Variants in MUC22 observed in about 807,000 individuals in gnomAD.
The protein encoded by MUC22 is mucin 22.
Under a neutral mutation model 40.3 loss-of-function variants are expected in MUC22, and 24 were observed. The observed-to-expected ratio is 0.60, with a 90% confidence interval of 0.43 to 0.84. The LOEUF is 0.84. Among genes scored for constraint, MUC22 ranks in the 40% least tolerant of loss-of-function variants. MUC22 has a pLI of 0.00. For synonymous variants in MUC22, 765 were observed against 844.5 expected (o/e 0.91, Z 1.63); for missense variants, 1,926 against 2,130.7 (o/e 0.90, Z 1.89).
intron 1 of MUC22, among the ~76,000 whole-genome samples, chr6:31,019,863 G>A (rs552254258): frequency 1.3e-5 from 2 of 152,134 alleles, no homozygotes; most frequent in East Asian, 3.9e-4. Context: ...TGGATGAAGT[G>A]GACTTCTCCA....
intron 2 of MUC22, among the ~76,000 whole-genome samples, chr6:31,030,608 G>T (rs1395081113): frequency 2.0e-5 from 3 of 148,430 alleles, no homozygotes; most frequent in Non-Finnish European, 3.0e-5. Flanking sequence ...CACTTCCATT[G>T]CAATCAGAAC....
rs1447723757 is a variant in MUC22 at position 31,032,586 on chromosome 6, G to A, written c.5055+5G>A. Reference sequence around the variant, plus strand: ...GTAGGACTGAGTTTTTGTCTGGTGAGTACCCAGGGTGGGTTCATAGGGGAG... The same window carrying A: ...GTAGGACTGAGTTTTTGTCTGGTGAATACCCAGGGTGGGTTCATAGGGGAG... On this transcript the variant is annotated splice_donor_5th_base_variant and intron_variant, in intron 3 of 3. Coordinates refer to ENST00000561890, the Ensembl canonical transcript of MUC22. The surrounding 1 kb of genome is among the most constrained non-coding windows in gnomAD (Gnocchi z 4.1). 3.3e-6 allele frequency: 5 copies of A among 1,529,676 alleles called. No homozygotes were observed. Among genetic ancestry groups the A allele is most frequent in the East Asian group, 2.4e-5 (1 of 40,900 alleles). The allele number at this position is 1,529,676 out of a possible 1,614,324, so 94.8% of individuals were successfully genotyped here. A position where few individuals can be genotyped will look rare whatever the true frequency, so the allele number is the denominator to read the frequency against.
intron 1 of MUC22, among the ~76,000 whole-genome samples, chr6:31,020,674 C>T (rs1764619823): frequency 6.6e-6 from 1 of 152,172 alleles, no homozygotes. Flanking sequence ...CCTTTCTGGG[C>T]TGGCCGAGGC....
chr6:31,028,695 T>C (rs1344749233), exon 2 of MUC22: 1 of 1,530,418 alleles, frequency 6.5e-7, no homozygotes, highest in Non-Finnish European at 8.7e-7. Flanking sequence ...TCCCAGCCTC[T>C]ACAGCAGGCT....
At chr6:31,013,220 A>G (rs1581602709) in intron 1 of MUC22, among the ~76,000 whole-genome samples, 2 of 148,296 alleles carry the variant, frequency 1.3e-5, no homozygotes, top group Non-Finnish European at 3.0e-5. Context: ...TCTGCCTCCC[A>G]GGTTCAAGCG....
intron 1 of MUC22, among the ~76,000 whole-genome samples, chr6:31,014,873 C>T (rs1419780972): frequency 1.3e-5 from 2 of 152,056 alleles, no homozygotes; most frequent in Non-Finnish European, 2.9e-5. Flanking sequence ...AGTGCAGCCA[C>T]AAGAGGAGAG....
exon 2 of MUC22, chr6:31,026,604 T>C: frequency 6.7e-7 from 1 of 1,502,798 alleles, no homozygotes; most frequent in Non-Finnish European, 8.9e-7. Flanking sequence ...TCACCTCTAC[T>C]GCAGGCTCTG....
chr6:31,028,060 A>G (rs1274205738), exon 2 of MUC22: 1 of 1,533,934 alleles, frequency 6.5e-7, no homozygotes, highest in African/African-American at 1.4e-5. Context: ...TGAGACCACC[A>G]CAGCCTCTAC....
intron 1 of MUC22, among the ~76,000 whole-genome samples, chr6:31,020,441 CT>C (rs3084519): frequency 0.026 from 3,245 of 126,642 alleles, 115 homozygotes; most frequent in East Asian, 0.12. Flanking sequence ...TGGAAATTGA[CT>C]TTTTTTTTTT....
chr6:31,032,564 G>A lies in MUC22; in HGVS notation c.5038G>A (p.Gly1680Arg). 3.3e-6 allele frequency: 5 copies of A among 1,534,862 alleles called. 1 individual carries two copies. Among genetic ancestry groups the A allele is most frequent in the Non-Finnish European group, 3.5e-6 (4 of 1,146,376 alleles). The change falls in exon 3 of 4, where the codon GGA becomes AGA. Residue 1680 changes from glycine to arginine, a missense_variant. By Grantham distance (125) the Gly-to-Arg change is moderately radical (BLOSUM62 -2). Transcript: ENST00000561890. This position sits in a 1 kb window ranked among gnomAD's most constrained non-coding sequence, Gnocchi z 4.1. ...TGTGGCTGCTGTTGGATTGTCAGTA[G>A]GACTGAGTTTTTGTCTGGTGAGTAC...
upstream of MUC22, among the ~76,000 whole-genome samples, chr6:31,008,762 G>T (rs886531342): frequency 2.6e-5 from 4 of 151,966 alleles, no homozygotes; most frequent in Non-Finnish European, 5.9e-5. Flanking sequence ...TCACCATGTT[G>T]ATCAGGCTGG....
intron 1 of MUC22, among the ~76,000 whole-genome samples, chr6:31,016,067 G>C (rs1395543788): frequency 7.1e-6 from 1 of 141,006 alleles, no homozygotes; most frequent in African/African-American, 2.6e-5. Context: ...AGTGAATTTT[G>C]AGGTTTTTTT....
chr6:31,031,329 C>T (rs111414258), intron 2 of MUC22, among the ~76,000 whole-genome samples: 17,274 of 152,062 alleles, frequency 0.11, 1,132 homozygotes, highest in Middle Eastern at 0.17. Context: ...TGCTGATCAC[C>T]ACAGTGTGGT....
At position 31,026,327 on chromosome 6, in the gene MUC22, C is replaced by T. The variant is rs1329293909; in HGVS notation, c.896C>T (p.Thr299Ile). 4 of 1,504,092 alleles carry T rather than the reference C, an allele frequency of 2.7e-6. 1 individual carries two copies. Among genetic ancestry groups the T allele is most frequent in the African/African-American group, 1.4e-5 (1 of 71,454 alleles). The allele number at this position is 1,504,092 out of a possible 1,614,324, so 93.2% of individuals were successfully genotyped here. The change falls in exon 2 of 4, where the codon ACC becomes ATC. Residue 299 changes from threonine to isoleucine, a missense_variant. Thr to Ile is a moderately conservative substitution (Grantham distance 89). This residue lies in a region of MUC22 where 1,281 missense variants were observed against 1,337.8 expected (regional missense o/e 0.96). Transcript: ENST00000561890. The stretch of plus-strand genomic sequence containing the variant: ...TCTACAGCAGGTTCTGAGACCACCA[C>T]CCCCTCCCCCACAGGCTCTCAGACC...
At chr6:31,022,899 G>A (rs1172262519) in intron 1 of MUC22, among the ~76,000 whole-genome samples, 2 of 152,208 alleles carry the variant, frequency 1.3e-5, no homozygotes, top group Non-Finnish European at 2.9e-5. Context: ...GGAGGCTGAG[G>A]CAGGTGGATC....
At chr6:31,010,229 T>G (rs1041736410), upstream of MUC22, among the ~76,000 whole-genome samples, 2 of 152,062 alleles carry the variant, frequency 1.3e-5, no homozygotes, top group African/African-American at 4.8e-5. Flanking sequence ...AAAGGGTGGG[T>G]CCCTTCCACT....
chr6:31,028,296 TAA>T lies in MUC22; in HGVS notation c.2867_2868del (p.Lys956SerfsTer14). ...TCTCCATCACAGGCTCTGAGACCAC[TAA>T]AGTTTCTACCACAGGTTCAGAGACC... On this transcript the variant is annotated frameshift_variant, in exon 2 of 4. Transcript: ENST00000561890. LOFTEE classifies it high-confidence loss of function. 6.6e-7 allele frequency: 1 copy of T among 1,526,184 alleles called. No individual in the cohort carries two copies. The highest frequency in any genetic ancestry group is 8.7e-7 in the Non-Finnish European group (1 of 1,144,264). The allele number at this position is 1,526,184 out of a possible 1,614,324, so 94.5% of individuals were successfully genotyped here. A position where few individuals can be genotyped will look rare whatever the true frequency, so the allele number is the denominator to read the frequency against.
intron 1 of MUC22, among the ~76,000 whole-genome samples, chr6:31,020,048 T>G (rs754408628): frequency 5.3e-5 from 8 of 152,172 alleles, no homozygotes; most frequent in Non-Finnish European, 1.2e-4. Context: ...CGAAAACATG[T>G]TTAAAGAAAT....
At chr6:31,028,361 C>A (rs765879147) in exon 2 of MUC22, 2 of 1,532,800 alleles carry the variant, frequency 1.3e-6, no homozygotes, top group Middle Eastern at 1.7e-4. Context: ...ATTACTACAG[C>A]CTCCATCACA....
Sources: allele counts gnomAD v4.1 joint callset (sites outside exome capture counted in the v4.1 genomes callset), GRCh38; gene constraint gnomAD v4.1.1; regional missense constraint gnomAD v4.1.1; non-coding constraint Gnocchi (gnomAD v3.1); transcripts MANE v1.5; gene names NCBI Gene and HGNC (gene_info 2026-07-23, HGNC 2026-07-21).